PEF1: variants seen among roughly 807,000 people sequenced by gnomAD.
PEF1 encodes the protein penta-EF-hand domain containing 1, also known as peflin.
PEF1 carries 17 observed loss-of-function variants against 32.0 expected under a neutral mutation model. That is an observed-to-expected ratio of 0.53 (90% CI 0.36 to 0.80). PEF1 has a LOEUF of 0.80. Among genes scored for constraint, PEF1 ranks in the 30% least tolerant of loss-of-function variants. The pLI is 0.00. For missense variants in PEF1, 362 were observed against 369.1 expected (o/e 0.98, Z 0.16); for synonymous variants, 130 against 139.8 (o/e 0.93, Z 0.50).
intron 1 of PEF1, chr1:31,644,426 T>C (rs1287993499): frequency 3.7e-6 from 4 of 1,090,296 alleles, no homozygotes; most frequent in Non-Finnish European, 4.5e-6. Context: ...TCTGATGCAG[T>C]GTGGGGTGGG....
At chr1:31,633,803 A>C (rs1275367256) in intron 2 of PEF1, among the ~76,000 whole-genome samples, 1 of 152,130 alleles carries the variant, frequency 6.6e-6, no homozygotes, top group Non-Finnish European at 1.5e-5. Flanking sequence ...TAAAAATAGA[A>C]AATTAGCCGG....
At chr1:31,644,365 G>A in intron 1 of PEF1, 1 of 1,002,258 alleles carries the variant, frequency 1.0e-6, no homozygotes, top group Non-Finnish European at 1.2e-6. Flanking sequence ...TAAGTCAGTG[G>A]TCAAACCAGC....
chr1:31,641,986 C>G (rs960851492), intron 1 of PEF1, among the ~76,000 whole-genome samples: 2 of 152,218 alleles, frequency 1.3e-5, no homozygotes, highest in Non-Finnish European at 2.9e-5. Context: ...AATCCCAACA[C>G]TGTGGGAGGC....
In PEF1 at chr1:31,629,964, G is replaced by A. The variant is rs1277906688; in HGVS notation, c.*649C>T. On this transcript the variant is annotated 3_prime_UTR_variant, in exon 5 of 5. Coordinates refer to ENST00000373703, the MANE Select transcript of PEF1 (RefSeq NM_012392.4). ...TTAAAAAAAGTATTGGCAGGGAGAG[G>A]TGACCACTGTCTCCTGGAGACTGAA... 1.3e-5 allele frequency: 2 copies of A among 152,270 alleles called. No individual in the cohort carries two copies. Among genetic ancestry groups the A allele is most frequent in the Non-Finnish European group, 2.9e-5 (2 of 68,116 alleles). 9.4% of individuals were successfully genotyped at this position (152,270 alleles called of 1,614,324 possible).
chr1:31,630,897 C>A, intron 4 of PEF1, 55 bp from the exon 5 acceptor site: 1 of 1,397,758 alleles, frequency 7.2e-7, no homozygotes, highest in Non-Finnish European at 9.9e-7. Context: ...TGAGCACCTC[C>A]ATCAATCAGG....
chr1:31,632,687 C>T (rs1368662013), intron 3 of PEF1, 49 bp from the exon 4 acceptor site: 1 of 1,592,922 alleles, frequency 6.3e-7, no homozygotes, highest in East Asian at 2.2e-5. Context: ...AGACTGAAGG[C>T]CAAGGGTCCC....
intron 2 of PEF1, among the ~76,000 whole-genome samples, chr1:31,633,912 G>A (rs545545058): frequency 2.0e-5 from 3 of 150,554 alleles, no homozygotes; most frequent in Non-Finnish European, 4.4e-5. Context: ...CCAAGATCAC[G>A]CCATTGCACT....
chr1:31,631,387 A>C (rs1385299025), intron 4 of PEF1, among the ~76,000 whole-genome samples: 1 of 152,214 alleles, frequency 6.6e-6, no homozygotes, highest in Non-Finnish European at 1.5e-5. Flanking sequence ...GCACAGAAAA[A>C]GCACTTGGTA....
chr1:31,642,577 A>T (rs1471987998), intron 1 of PEF1, among the ~76,000 whole-genome samples: 2 of 152,194 alleles, frequency 1.3e-5, no homozygotes, highest in African/African-American at 4.8e-5. Flanking sequence ...GCTTTAAAAC[A>T]ACTCGTTTCC....
chr1:31,635,855 G>C (rs1432863311), intron 1 of PEF1, among the ~76,000 whole-genome samples: 1 of 152,132 alleles, frequency 6.6e-6, no homozygotes, highest in Non-Finnish European at 1.5e-5. Flanking sequence ...TGGATACTTG[G>C]TAAATATTTC....
rs1293940671 is a variant in PEF1 at position 31,633,325 on chromosome 1, G to GCAC, written c.326-12_326-11insGTG. On this transcript the variant is annotated splice_polypyrimidine_tract_variant and intron_variant, in intron 2 of 4. Coordinates refer to ENST00000373703, the MANE Select transcript of PEF1 (RefSeq NM_012392.4). The stretch of plus-strand genomic sequence containing the variant: ...TGGGAGGGGCGCCACCTGGAGGAAG[G>GCAC]GGTGTGAAGGCCATCAACAGAAATG... 11 of 1,604,548 alleles carry GCAC rather than the reference G, an allele frequency of 6.9e-6. No homozygotes were observed. The South Asian group carries it at 1.2e-4, about 18-fold the overall frequency.
At chr1:31,631,342 C>T (rs897783294) in intron 4 of PEF1, among the ~76,000 whole-genome samples, 26 of 152,148 alleles carry the variant, frequency 1.7e-4, no homozygotes, top group Admixed American at 3.9e-4. Flanking sequence ...AGGATTAAAA[C>T]GGGTGATCAT....
intron 4 of PEF1, chr1:31,632,199 A>G: frequency 3.3e-6 from 2 of 603,098 alleles, no homozygotes; most frequent in Non-Finnish European, 3.0e-6. Context: ...CTGGTCTCAT[A>G]GTCCTTAAGG....
chr1:31,638,273 G>T (rs1384049143), intron 1 of PEF1, among the ~76,000 whole-genome samples: 1 of 152,018 alleles, frequency 6.6e-6, no homozygotes. Context: ...TACAGATGGG[G>T]GAGGGAGGGA....
chr1:31,631,049 C>A (rs893320794), intron 4 of PEF1, among the ~76,000 whole-genome samples: 1 of 152,156 alleles, frequency 6.6e-6, no homozygotes, highest in African/African-American at 2.4e-5. Flanking sequence ...GGTGGAAGGC[C>A]CTCATCCCTC....
intron 4 of PEF1, among the ~76,000 whole-genome samples, chr1:31,631,888 T>C (rs1284353601): frequency 6.6e-6 from 1 of 150,902 alleles, no homozygotes; most frequent in Non-Finnish European, 1.5e-5. Context: ...TGGGGAGCCC[T>C]TTCTCCCTCC....
chr1:31,633,156 C>A lies in PEF1; in HGVS notation c.481+3G>T, dbSNP rs1421850055. The A allele has an allele frequency of 5.6e-6, 9 of 1,612,730 alleles. No individual in the cohort carries two copies. In the Admixed American group the frequency reaches 1.3e-4, roughly 24 times the overall value. On this transcript the variant is annotated splice_donor_region_variant and intron_variant, in intron 3 of 4. Transcript: ENST00000373703. ...CAGGCCCAAGGGCAAGGCGGAGACTCACTTATCATCATGAGGCAGGTCTCA... is the reference window on the plus strand; with the variant it reads ...CAGGCCCAAGGGCAAGGCGGAGACTAACTTATCATCATGAGGCAGGTCTCA...
chr1:31,636,834 G>A (rs548641818), intron 1 of PEF1, among the ~76,000 whole-genome samples: 7 of 152,206 alleles, frequency 4.6e-5, no homozygotes, highest in African/African-American at 1.2e-4. Context: ...GCATACATGG[G>A]GGCATTCCCT....
chr1:31,631,116 G>C (rs997171558), intron 4 of PEF1, among the ~76,000 whole-genome samples: 3 of 152,144 alleles, frequency 2.0e-5, no homozygotes, highest in African/African-American at 4.8e-5. Flanking sequence ...TTGCAGAGAC[G>C]ACAACGGACT....
Sources: gnomAD v4.1 joint callset for allele counts (sites outside exome capture counted in the v4.1 genomes callset) on GRCh38, gnomAD v4.1.1 for gene constraint, MANE v1.5 for transcripts, NCBI Gene and HGNC (gene_info 2026-07-23, HGNC 2026-07-21) for gene names.